Variants in PDE1C observed in about 807,000 individuals in gnomAD.
The protein encoded by PDE1C is phosphodiesterase 1C, also known as dual specificity calcium/calmodulin-dependent 3',5'-cyclic nucleotide phosphodiesterase 1C.
Under a neutral mutation model 93.1 loss-of-function variants are expected in PDE1C, and 62 were observed. The ratio of observed to expected loss-of-function variants is 0.67; its 90% CI spans 0.54 to 0.82. The LOEUF (loss-of-function observed/expected upper bound fraction) is 0.82, where lower values mean the gene tolerates loss of function less well. Among genes scored for constraint, PDE1C ranks in the 40% least tolerant of loss-of-function variants. The pLI is 0.00. For synonymous variants in PDE1C, 325 were observed against 310.1 expected (o/e 1.05, Z -0.50); for missense variants, 742 against 884.6 (o/e 0.84, Z 2.04).
At chr7:32,110,527 A>G (rs1798581270) in intron 3 of PDE1C, among the ~76,000 whole-genome samples, 1 of 152,174 alleles carries the variant, frequency 6.6e-6, no homozygotes, top group Non-Finnish European at 1.5e-5. Context: ...ACCTCAGTCT[A>G]TGCACCACTC....
chr7:32,170,095 T>C, intron 2 of PDE1C: 1 of 742,824 alleles, frequency 1.3e-6, no homozygotes, highest in South Asian at 1.8e-5. Context: ...CATTACAGAG[T>C]TGTAACCAGG....
chr7:32,094,949 C>T (rs1174988927), intron 3 of PDE1C, among the ~76,000 whole-genome samples: 1 of 152,170 alleles, frequency 6.6e-6, no homozygotes, highest in African/African-American at 2.4e-5. Flanking sequence ...TCTAGCTATA[C>T]CTTCCTCTTC....
chr7:32,403,519 T>C (rs1045689780), intron 1 of PDE1C, among the ~76,000 whole-genome samples: 1 of 152,222 alleles, frequency 6.6e-6, no homozygotes, highest in African/African-American at 2.4e-5. Flanking sequence ...ATGTCATCAA[T>C]GTAAACTAGC....
At chr7:31,834,102 ATGG>A (rs1790764840) in intron 11 of PDE1C, among the ~76,000 whole-genome samples, 1 of 152,224 alleles carries the variant, frequency 6.6e-6, no homozygotes, top group South Asian at 2.1e-4. Flanking sequence ...AGATTTCTGC[ATGG>A]TGTTGAGCCT....
Position 31,837,562 on chromosome 7 carries a change from G to C in PDE1C, c.1083-262C>G, listed in dbSNP as rs145859893. On this transcript the variant is annotated intron_variant, in intron 10 of 17. Coordinates refer to ENST00000396191, the MANE Select transcript of PDE1C (RefSeq NM_001191057.4). ...CTTCAAAAAGAGAGCAAGAATCCAA[G>C]AGTCACTGACTTTTATTGGTTGCTT... Among the ~76,000 whole-genome samples, 836 of 152,268 alleles carry C rather than the reference G, an allele frequency of 5.5e-3. 6 individuals carry two copies. Among genetic ancestry groups the C allele is most frequent in the African/African-American group, 0.019 (792 of 41,554 alleles).
chr7:31,657,527 A>G, the PDE1C span, among the ~76,000 whole-genome samples: 3 of 152,220 alleles, frequency 2.0e-5, no homozygotes, highest in Admixed American at 2.0e-4. Context: ...GTTCCACCAC[A>G]TAGGAATGCT....
intron 1 of PDE1C, among the ~76,000 whole-genome samples, chr7:32,304,795 T>C (rs1377713362): frequency 6.6e-6 from 1 of 152,160 alleles, no homozygotes; most frequent in Admixed American, 6.5e-5. Context: ...TGTAAAAGAC[T>C]TACCCTGGAC....
chr7:32,160,890 C>T (rs569370351), intron 3 of PDE1C, among the ~76,000 whole-genome samples: 1 of 152,118 alleles, frequency 6.6e-6, no homozygotes, highest in Non-Finnish European at 1.5e-5. Context: ...GGAGAAAGCC[C>T]CTGGCTAGCT....
intron 2 of PDE1C, among the ~76,000 whole-genome samples, chr7:31,913,062 G>A (rs1390294013): frequency 6.6e-6 from 1 of 152,124 alleles, no homozygotes; most frequent in Non-Finnish European, 1.5e-5. Flanking sequence ...AGAAACAGAT[G>A]TCTTCCAAGC....
At chr7:31,642,237 G>T in the PDE1C span, 1 of 1,553,772 alleles carries the variant, frequency 6.4e-7, no homozygotes, top group Non-Finnish European at 8.7e-7. Flanking sequence ...TGGAGGAGCC[G>T]CTGGAACCGC....
At chr7:32,244,741 T>C (rs1808795349) in intron 1 of PDE1C, among the ~76,000 whole-genome samples, 1 of 152,026 alleles carries the variant, frequency 6.6e-6, no homozygotes, top group Non-Finnish European at 1.5e-5. Flanking sequence ...AGAAACCTGA[T>C]GCATGGTGTT....
chr7:31,913,257 T>C (rs1398574496), intron 2 of PDE1C, among the ~76,000 whole-genome samples: 1 of 152,236 alleles, frequency 6.6e-6, no homozygotes, highest in South Asian at 2.1e-4. Flanking sequence ...TTTAGCTCCC[T>C]GTGTAGTACA....
intron 2 of PDE1C, among the ~76,000 whole-genome samples, chr7:32,192,631 C>CT (rs34712716): frequency 3.3e-5 from 5 of 152,044 alleles, no homozygotes; most frequent in East Asian, 3.9e-4. Flanking sequence ...ACTCCTCACA[C>CT]TTTTTTTTCT....
chr7:32,318,027 C>T (rs956485576), intron 1 of PDE1C, among the ~76,000 whole-genome samples: 2 of 152,206 alleles, frequency 1.3e-5, no homozygotes, highest in African/African-American at 2.4e-5. Context: ...ACAATTACAA[C>T]TAGTTAGCTC....
At chr7:32,407,920 C>A (rs1380925548) in intron 1 of PDE1C, among the ~76,000 whole-genome samples, 1 of 152,052 alleles carries the variant, frequency 6.6e-6, no homozygotes, top group Non-Finnish European at 1.5e-5. Flanking sequence ...AGCAGCAGAC[C>A]TGCAGGGATA....
intron 1 of PDE1C, among the ~76,000 whole-genome samples, chr7:32,338,882 A>G (rs1175743288): frequency 6.6e-6 from 1 of 152,108 alleles, no homozygotes; most frequent in Non-Finnish European, 1.5e-5. Context: ...GGGCGCCTGT[A>G]GTCCCAGCTA....
At chr7:32,326,082 T>A (rs952392467) in intron 1 of PDE1C, among the ~76,000 whole-genome samples, 3 of 152,074 alleles carry the variant, frequency 2.0e-5, no homozygotes, top group Admixed American at 1.3e-4. Context: ...CAAGGATGAC[T>A]TCAATGTTTT....
chr7:32,257,363 T>A (rs1212735384), intron 1 of PDE1C, among the ~76,000 whole-genome samples: 1 of 152,176 alleles, frequency 6.6e-6, no homozygotes, highest in Non-Finnish European at 1.5e-5. Flanking sequence ...AAAGGCGCAA[T>A]GAAGACTAAC....
chr7:31,815,637 T>C (rs1280084396), intron 15 of PDE1C, among the ~76,000 whole-genome samples: 1 of 145,854 alleles, frequency 6.9e-6, no homozygotes, highest in Non-Finnish European at 1.5e-5. Flanking sequence ...GGGTTGATCA[T>C]GGTAATTTTC....
Sources: gnomAD v4.1 joint callset for allele counts (sites outside exome capture counted in the v4.1 genomes callset) on GRCh38, gnomAD v4.1.1 for gene constraint, MANE v1.5 for transcripts, NCBI Gene and HGNC (gene_info 2026-07-23, HGNC 2026-07-21) for gene names.